Variants in PTPRG observed in about 807,000 individuals in gnomAD.
PTPRG encodes the protein protein tyrosine phosphatase receptor type G, also known as receptor-type tyrosine-protein phosphatase gamma.
A neutral mutation model predicts 165.3 loss-of-function variants in PTPRG; 102 were observed. The ratio of observed to expected loss-of-function variants is 0.62; its 90% CI spans 0.53 to 0.73. The LOEUF is 0.73. Among genes scored for constraint, PTPRG ranks in the 30% least tolerant of loss-of-function variants. The pLI, the probability that PTPRG is intolerant of heterozygous loss-of-function variation, is 0.00. For missense variants in PTPRG, 1,866 were observed against 1,861.4 expected, an observed-to-expected ratio of 1.00 and a Z score of -0.05; for synonymous variants, 675 against 669.5, an observed-to-expected ratio of 1.01 and a Z score of -0.13.
At chr3:61,787,405 T>A (rs1485509300) in intron 2 of PTPRG, among the ~76,000 whole-genome samples, 1 of 152,220 alleles carries the variant, frequency 6.6e-6, no homozygotes, top group Non-Finnish European at 1.5e-5. Context: ...TTTGGTAGCA[T>A]CACATTGCCT....
chr3:62,240,330 A>G lies in PTPRG; in HGVS notation c.2376-3477A>G, dbSNP rs369742332. 6.6e-6 allele frequency among the ~76,000 whole-genome samples: 1 copy of G among 152,280 alleles called. No individual in the cohort carries two copies. On this transcript the variant is annotated intron_variant, in intron 14 of 29. Coordinates refer to ENST00000474889, the MANE Select transcript of PTPRG (RefSeq NM_002841.4). This position sits in a 1 kb window ranked among gnomAD's most constrained non-coding sequence, Gnocchi z 5.1. ...AGCCTGGATGACAGAGCGAGACTCCATCTCAAAATAAAATAAAATACATAC... is the reference window on the plus strand; with the variant it reads ...AGCCTGGATGACAGAGCGAGACTCCGTCTCAAAATAAAATAAAATACATAC...
In PTPRG at chr3:61,730,291, A is replaced by G. The variant is rs564325183; in HGVS notation, c.86-18587A>G. On this transcript the variant is annotated intron_variant, in intron 1 of 29. Transcript: ENST00000474889. ...TTAGCCATGCAGACCTTTATGGCTC[A>G]AACCAGGCCACATCTGTTGTGAGTC... Among the ~76,000 whole-genome samples the G allele has an allele frequency of 2.0e-5, 3 of 152,318 alleles. No homozygotes were observed. The East Asian group carries it at 5.8e-4, about 29-fold the overall frequency.
chr3:62,134,172 A>C (rs1170132754), intron 6 of PTPRG, among the ~76,000 whole-genome samples: 1 of 152,142 alleles, frequency 6.6e-6, no homozygotes, highest in Non-Finnish European at 1.5e-5. Context: ...AGGCTGCTAC[A>C]TATGGAAAAA....
intron 1 of PTPRG, among the ~76,000 whole-genome samples, chr3:61,603,145 G>C (rs1700912870): frequency 6.6e-6 from 1 of 152,164 alleles, no homozygotes; most frequent in Non-Finnish European, 1.5e-5. Flanking sequence ...GAACTGGATG[G>C]TAAGTGTTTA....
intron 8 of PTPRG, among the ~76,000 whole-genome samples, chr3:62,184,203 G>T (rs1021173552): frequency 6.6e-6 from 1 of 152,206 alleles, no homozygotes; most frequent in Non-Finnish European, 1.5e-5. Flanking sequence ...CGGGCCCAGG[G>T]CATGTGCGTG....
chr3:61,696,275 G>A (rs1469840654), intron 1 of PTPRG, among the ~76,000 whole-genome samples: 4 of 152,134 alleles, frequency 2.6e-5, no homozygotes, highest in Non-Finnish European at 5.9e-5. Context: ...GCTGAGGTGC[G>A]TGGTTCGCCT....
chr3:61,881,462 G>A (rs998054635), intron 2 of PTPRG, among the ~76,000 whole-genome samples: 2 of 152,250 alleles, frequency 1.3e-5, no homozygotes, highest in Middle Eastern at 3.4e-3. Context: ...AGCAGCAATC[G>A]ATGAACCTTC....
At chr3:61,907,949 C>T (rs1475416594) in intron 2 of PTPRG, among the ~76,000 whole-genome samples, 1 of 150,880 alleles carries the variant, frequency 6.6e-6, no homozygotes, top group Non-Finnish European at 1.5e-5. Flanking sequence ...GCGAGACCCC[C>T]GTCTCTGTGG....
chr3:62,104,354 A>G (rs1414385366), intron 5 of PTPRG, among the ~76,000 whole-genome samples: 1 of 152,204 alleles, frequency 6.6e-6, no homozygotes, highest in Non-Finnish European at 1.5e-5. Context: ...TGTCAGCCAA[A>G]TATGAGATTT....
At chr3:61,822,669 T>A (rs2035988793) in intron 2 of PTPRG, among the ~76,000 whole-genome samples, 1 of 152,244 alleles carries the variant, frequency 6.6e-6, no homozygotes, top group African/African-American at 2.4e-5. Context: ...AGAGATTTTC[T>A]TTCCAATTTA....
chr3:61,742,608 T>C (rs1454633502), intron 1 of PTPRG: 1 of 1,601,834 alleles, frequency 6.2e-7, no homozygotes. Flanking sequence ...GACCAACAGC[T>C]ACAGCCAGAC....
chr3:62,176,728 GC>G (rs1339174831), intron 8 of PTPRG, among the ~76,000 whole-genome samples: 1 of 152,064 alleles, frequency 6.6e-6, no homozygotes, highest in Non-Finnish European at 1.5e-5. Flanking sequence ...GTACCGTGGG[GC>G]CATTTAGGCA....
intron 2 of PTPRG, among the ~76,000 whole-genome samples, chr3:61,982,611 T>G (rs1397774938): frequency 6.6e-6 from 1 of 152,136 alleles, no homozygotes; most frequent in African/African-American, 2.4e-5. Context: ...CTTTTGAGCC[T>G]TTACTCAGCC....
At chr3:61,576,698 C>T (rs1037735824) in intron 1 of PTPRG, among the ~76,000 whole-genome samples, 1 of 152,100 alleles carries the variant, frequency 6.6e-6, no homozygotes, top group Non-Finnish European at 1.5e-5. Flanking sequence ...ATCCAAGTGG[C>T]TACTGTATTC....
intron 13 of PTPRG, among the ~76,000 whole-genome samples, chr3:62,226,979 G>T (rs1238683977): frequency 6.6e-6 from 1 of 152,084 alleles, no homozygotes; most frequent in African/African-American, 2.4e-5. Flanking sequence ...TTTCTTCCCT[G>T]GATGTTCAGT....
intron 7 of PTPRG, 40 bp from the exon 8 acceptor site, chr3:62,167,931 G>GTTT (rs61078615): frequency 7.7e-6 from 11 of 1,422,100 alleles, no homozygotes; most frequent in African/African-American, 2.9e-5. Flanking sequence ...TTTTTGTGTT[G>GTTT]TTTTTTTTTT....
At chr3:62,023,062 G>C (rs549116606) in intron 4 of PTPRG, among the ~76,000 whole-genome samples, 1 of 152,034 alleles carries the variant, frequency 6.6e-6, no homozygotes, top group African/African-American at 2.4e-5. Flanking sequence ...AAAGGCTGCA[G>C]CTTACCTTTA....
intron 1 of PTPRG, among the ~76,000 whole-genome samples, chr3:61,633,704 C>A (rs540416809): frequency 1.3e-5 from 2 of 152,184 alleles, no homozygotes; most frequent in East Asian, 3.9e-4. Context: ...ATTGCTCTGG[C>A]TAGAACCTCA....
At chr3:61,916,668 T>A (rs1001645961) in intron 2 of PTPRG, among the ~76,000 whole-genome samples, 1 of 152,246 alleles carries the variant, frequency 6.6e-6, no homozygotes, top group African/African-American at 2.4e-5. Context: ...TTTTAATTGC[T>A]TGCATGTGTT....
Sources: gnomAD v4.1 joint callset for allele counts (sites outside exome capture counted in the v4.1 genomes callset) on GRCh38, gnomAD v4.1.1 for gene constraint, Gnocchi (gnomAD v3.1) non-coding constraint, MANE v1.5 for transcripts, NCBI Gene and HGNC (gene_info 2026-07-23, HGNC 2026-07-21) for gene names.